Variants in EYS observed in about 807,000 individuals in gnomAD.
The protein encoded by EYS is EGF-like photoreceptor maintenance factor, also known as protein eyes shut homolog.
Under a neutral mutation model 282.1 loss-of-function variants are expected in EYS, and 250 were observed. The ratio of observed to expected loss-of-function variants is 0.89; its 90% CI spans 0.80 to 0.98. The LOEUF (loss-of-function observed/expected upper bound fraction) is 0.98. Ranked by LOEUF, EYS falls within the 50% of genes least tolerant of loss-of-function variation. The pLI is 0.00. For synonymous variants in EYS, 1,355 were observed against 1,282.9 expected (o/e 1.06, Z -1.20); for missense variants, 4,016 against 3,709.0 (o/e 1.08, Z -2.15).
chr6:64,597,942 T>A (rs1766639436), intron 24 of EYS, among the ~76,000 whole-genome samples: 1 of 149,934 alleles, frequency 6.7e-6, no homozygotes, highest in South Asian at 2.1e-4. Context: ...CTAATTACCC[T>A]GATTTTATCA....
intron 26 of EYS, among the ~76,000 whole-genome samples, chr6:64,447,289 A>G (rs1047060151): frequency 6.6e-6 from 1 of 152,142 alleles, no homozygotes; most frequent in Non-Finnish European, 1.5e-5. Flanking sequence ...TGTGTTCTAC[A>G]AATTGTGTCT....
In EYS at chr6:65,160,021, A is replaced by G. The variant is rs536972201; in HGVS notation, c.2024-102294T>C. On this transcript the variant is annotated intron_variant, in intron 12 of 42. Transcript: ENST00000503581. Reference sequence around the variant, plus strand: ...TGGGACGTCTAGAATATTTCCCACCACTGTTAATATTTCTGCCACAATTTG... The same window carrying G: ...TGGGACGTCTAGAATATTTCCCACCGCTGTTAATATTTCTGCCACAATTTG... Among the ~76,000 whole-genome samples, 116 of 151,128 alleles carry G rather than the reference A, an allele frequency of 7.7e-4. 1 individual carries two copies. Among genetic ancestry groups the G allele is most frequent in the Admixed American group, 2.0e-3 (30 of 15,100 alleles).
chr6:64,273,437 CT>C (rs995294974), intron 30 of EYS, among the ~76,000 whole-genome samples: 1 of 151,848 alleles, frequency 6.6e-6, no homozygotes, highest in Admixed American at 6.6e-5. Flanking sequence ...TTTTCCCCAC[CT>C]TTTTTTCTAA....
intron 22 of EYS, among the ~76,000 whole-genome samples, chr6:64,653,905 C>T (rs7758831): frequency 0.64 from 97,165 of 151,846 alleles, 31,315 homozygotes; most frequent in African/African-American, 0.71. Flanking sequence ...GTGTTATTTC[C>T]ATAGCCAAAT....
intron 36 of EYS, among the ~76,000 whole-genome samples, chr6:63,820,892 A>T (rs1243648289): frequency 6.6e-6 from 1 of 152,074 alleles, no homozygotes; most frequent in Admixed American, 6.6e-5. Flanking sequence ...AAGGACATTT[A>T]TTTATTTTTT....
chr6:65,266,105 T>C (rs1302142946), intron 12 of EYS, among the ~76,000 whole-genome samples: 2 of 151,976 alleles, frequency 1.3e-5, no homozygotes, highest in Non-Finnish European at 1.5e-5. Flanking sequence ...TCCAAGTTGA[T>C]AATATAGAGA....
chr6:64,094,947 T>C lies in EYS; in HGVS notation c.6425-12945A>G, dbSNP rs538197510. ...TGAATGTGTCCCAGAGATTCTGGTATGTTGTGTCTTTGTTCTCGTTGGTTT... is the reference window on the plus strand; with the variant it reads ...TGAATGTGTCCCAGAGATTCTGGTACGTTGTGTCTTTGTTCTCGTTGGTTT... On this transcript the variant is annotated intron_variant, in intron 31 of 42. Transcript: ENST00000503581. 2.4e-3 allele frequency among the ~76,000 whole-genome samples: 365 copies of C among 152,316 alleles called. 2 individuals are homozygous for C. Among genetic ancestry groups the C allele is most frequent in the African/African-American group, 8.4e-3 (350 of 41,570 alleles).
chr6:63,936,448 T>C (rs954252529), intron 35 of EYS, among the ~76,000 whole-genome samples: 14 of 152,188 alleles, frequency 9.2e-5, no homozygotes, highest in African/African-American at 3.1e-4. Flanking sequence ...TATATGCACT[T>C]TCCCCAGAAT....
intron 5 of EYS, among the ~76,000 whole-genome samples, chr6:65,409,836 T>C (rs1766907182): frequency 6.6e-6 from 1 of 152,022 alleles, no homozygotes; most frequent in Admixed American, 6.6e-5. Context: ...TATTAACTCA[T>C]TTGGATTTTG....
At position 65,440,860 on chromosome 6, in the gene EYS, T is replaced by C. The variant is rs143811950; in HGVS notation, c.863-35493A>G. 5.5e-5 allele frequency among the ~76,000 whole-genome samples: 8 copies of C among 146,768 alleles called. No individual in the cohort carries two copies. In the South Asian group the frequency reaches 6.3e-4, roughly 11 times the overall value. On this transcript the variant is annotated intron_variant, in intron 5 of 42. Transcript: ENST00000503581. Reference sequence around the variant, plus strand: ...AAAAATATGTGTATATATATATATATAGATTTATATTATATATTTATATTA... The same window carrying C: ...AAAAATATGTGTATATATATATATACAGATTTATATTATATATTTATATTA...
chr6:64,865,218 A>C (rs1766391345), intron 19 of EYS, among the ~76,000 whole-genome samples: 1 of 152,194 alleles, frequency 6.6e-6, no homozygotes, highest in East Asian at 1.9e-4. Context: ...ATAAATACCA[A>C]GGTGTGGAAA....
intron 26 of EYS, among the ~76,000 whole-genome samples, chr6:64,452,321 A>T (rs1582772121): frequency 6.6e-6 from 1 of 152,190 alleles, no homozygotes; most frequent in Non-Finnish European, 1.5e-5. Flanking sequence ...GGACCTCTTC[A>T]AGGAGAACTA....
intron 31 of EYS, among the ~76,000 whole-genome samples, chr6:64,209,060 T>G (rs1268512977): frequency 6.6e-6 from 1 of 152,146 alleles, no homozygotes; most frequent in African/African-American, 2.4e-5. Flanking sequence ...TAAGGGAATA[T>G]TTTTACTATC....
rs529777961 is a variant in EYS, at chr6:64,976,753, A to G, written c.2259+20829T>C. On this transcript the variant is annotated intron_variant, in intron 14 of 42. Coordinates refer to ENST00000503581, the MANE Select transcript of EYS (RefSeq NM_001142800.2). ...TACATCATGAAATTCATCTCCATTC[A>G]AGACAAAAGAGAACTATGTTTCTGT... 1.8e-4 allele frequency among the ~76,000 whole-genome samples: 28 copies of G among 152,092 alleles called. No individual in the cohort carries two copies. In the South Asian group the frequency reaches 4.8e-3, roughly 26 times the overall value.
intron 28 of EYS, among the ~76,000 whole-genome samples, chr6:64,413,589 A>G (rs1409938484): frequency 1.3e-5 from 2 of 151,976 alleles, no homozygotes; most frequent in Non-Finnish European, 2.9e-5. Context: ...CCCCTCCCAA[A>G]AAAAAACAGT....
intron 14 of EYS, among the ~76,000 whole-genome samples, chr6:64,967,726 G>A (rs759267059): frequency 3.9e-5 from 6 of 152,112 alleles, no homozygotes; most frequent in Non-Finnish European, 8.8e-5. Context: ...ATTAACTCCA[G>A]TATTTTGCTT....
intron 35 of EYS, among the ~76,000 whole-genome samples, chr6:63,936,915 T>A (rs1192702207): frequency 6.6e-6 from 1 of 152,148 alleles, no homozygotes; most frequent in Non-Finnish European, 1.5e-5. Context: ...GTCATGAGGA[T>A]ATGTTAAATG....
At chr6:65,271,299 G>C (rs1767897128) in intron 12 of EYS, among the ~76,000 whole-genome samples, 1 of 151,170 alleles carries the variant, frequency 6.6e-6, no homozygotes, top group South Asian at 2.1e-4. Context: ...TTCCAGTCTG[G>C]GTATGAAGGC....
At chr6:65,171,162 T>C (rs1005767298) in intron 12 of EYS, among the ~76,000 whole-genome samples, 3 of 151,558 alleles carry the variant, frequency 2.0e-5, no homozygotes, top group African/African-American at 7.3e-5. Context: ...AAAGCATGTA[T>C]AGAATTAGCA....
Sources: allele counts gnomAD v4.1 joint callset (sites outside exome capture counted in the v4.1 genomes callset), GRCh38; gene constraint gnomAD v4.1.1; transcripts MANE v1.5; gene names NCBI Gene and HGNC (gene_info 2026-07-23, HGNC 2026-07-21).